Variants in TENM3 observed in about 807,000 individuals in gnomAD.
TENM3 encodes teneurin-3.
In TENM3, 63 loss-of-function variants were observed where a neutral mutation model predicts 255.1. That is an observed-to-expected ratio of 0.25 (90% CI 0.20 to 0.30). TENM3 has a LOEUF of 0.30. TENM3 is among the 10% of genes least tolerant of loss of function. The pLI, the probability that TENM3 is intolerant of heterozygous loss-of-function variation, is 1.00. For missense variants in TENM3, 2,929 were observed against 3,461.1 expected, an observed-to-expected ratio of 0.85 and a Z score of 3.86; for synonymous variants, 1,306 against 1,322.3, an observed-to-expected ratio of 0.99 and a Z score of 0.27.
At chr4:182,235,767 T>G (rs1017938286) in intron 1 of TENM3, among the ~76,000 whole-genome samples, 2 of 152,146 alleles carry the variant, frequency 1.3e-5, no homozygotes, top group Non-Finnish European at 2.9e-5. Flanking sequence ...ACAAAAACCC[T>G]GGCGTTAGGA....
chr4:181,575,983 G>A, the TENM3 span, among the ~76,000 whole-genome samples: 3 of 152,160 alleles, frequency 2.0e-5, no homozygotes, highest in Non-Finnish European at 4.4e-5. Flanking sequence ...ATTCAAGAGG[G>A]TACAAGTGTA....
chr4:182,667,585 T>C (rs1436471979), intron 6 of TENM3, among the ~76,000 whole-genome samples: 1 of 152,174 alleles, frequency 6.6e-6, no homozygotes, highest in Non-Finnish European at 1.5e-5. Context: ...GAATCCCTGC[T>C]CTAGGTAGAG....
chr4:181,728,468 A>G, the TENM3 span, among the ~76,000 whole-genome samples: 1 of 152,228 alleles, frequency 6.6e-6, no homozygotes, highest in Non-Finnish European at 1.5e-5. Flanking sequence ...TGGGAAAGGG[A>G]TGGAGATTCC....
the TENM3 span, among the ~76,000 whole-genome samples, chr4:181,493,296 T>TAAAAAAAAAAAAA: frequency 8.0e-6 from 1 of 124,360 alleles, no homozygotes; most frequent in Non-Finnish European, 1.7e-5. Context: ...AACCAGTCTC[T>TAAAAAAAAAAAAA]AAAAAAAAAA....
At chr4:182,055,317 C>T in the TENM3 span, among the ~76,000 whole-genome samples, 1 of 151,326 alleles carries the variant, frequency 6.6e-6, no homozygotes, top group Non-Finnish European at 1.5e-5. Flanking sequence ...TGCACTCCAG[C>T]CTGGGCAACA....
At chr4:181,874,923 G>A in the TENM3 span, among the ~76,000 whole-genome samples, 20 of 152,282 alleles carry the variant, frequency 1.3e-4, no homozygotes, top group Middle Eastern at 3.4e-3. Context: ...TCAAAGATCC[G>A]TCCTGCACTG....
chr4:182,352,102 C>T (rs911113301), intron 3 of TENM3, among the ~76,000 whole-genome samples: 1 of 152,030 alleles, frequency 6.6e-6, no homozygotes, highest in South Asian at 2.1e-4. Flanking sequence ...CCTCCCCTCC[C>T]CCACTCCTCC....
At chr4:181,746,145 G>C in the TENM3 span, among the ~76,000 whole-genome samples, 1 of 152,192 alleles carries the variant, frequency 6.6e-6, no homozygotes, top group South Asian at 2.1e-4. Context: ...CCTAGGGAAG[G>C]AGCTGGAACT....
chr4:182,010,928 C>T, the TENM3 span, among the ~76,000 whole-genome samples: 1 of 152,192 alleles, frequency 6.6e-6, no homozygotes, highest in Non-Finnish European at 1.5e-5. Context: ...CACTCTTTCT[C>T]TGGGCTTCTG....
chr4:182,066,206 C>T, the TENM3 span, among the ~76,000 whole-genome samples: 1 of 152,132 alleles, frequency 6.6e-6, no homozygotes, highest in Admixed American at 6.5e-5. Context: ...TAAGGTGATT[C>T]TCCTTTTGGT....
chr4:181,676,989 C>CTTTTTTTTTTTTTT, the TENM3 span, among the ~76,000 whole-genome samples: 1 of 137,698 alleles, frequency 7.3e-6, no homozygotes, highest in African/African-American at 2.7e-5. Context: ...CCGATTTTAT[C>CTTTTTTTTTTTTTT]TTTTTTTTTT....
chr4:182,472,854 T>C lies in TENM3; in HGVS notation c.511+125925T>C, dbSNP rs186276583. Among the ~76,000 whole-genome samples, 119 of 152,280 alleles carry C rather than the reference T, an allele frequency of 7.8e-4. 1 individual carries two copies. The highest frequency in any genetic ancestry group is 7.7e-3 in the Admixed American group (117 of 15,290). On this transcript the variant is annotated intron_variant, in intron 3 of 27. Transcript: ENST00000511685. ...CCTCAGCCTCCCAAGTAGCTAGGAC[T>C]AAAGGTGCATGCCATCATGCCCGGT...
At chr4:182,323,359 A>T (rs948611215) in intron 1 of TENM3, among the ~76,000 whole-genome samples, 8 of 151,732 alleles carry the variant, frequency 5.3e-5, no homozygotes, top group African/African-American at 9.7e-5. Context: ...AGTTCAAGAC[A>T]TTTGAGTTCT....
At chr4:182,737,685 C>T (rs1212635579) in intron 17 of TENM3, among the ~76,000 whole-genome samples, 1 of 152,098 alleles carries the variant, frequency 6.6e-6, no homozygotes, top group Non-Finnish European at 1.5e-5. Context: ...AAGCTCAGAA[C>T]ATAAAAAACT....
intron 16 of TENM3, 32 bp downstream of exon 16, chr4:182,731,171 T>C: frequency 6.3e-7 from 1 of 1,599,952 alleles, no homozygotes; most frequent in Non-Finnish European, 8.5e-7. Context: ...TACTTGTAAA[T>C]ACAAGATCTT....
intron 22 of TENM3, among the ~76,000 whole-genome samples, chr4:182,765,281 G>A (rs547683282): frequency 1.3e-5 from 2 of 152,200 alleles, no homozygotes; most frequent in South Asian, 2.1e-4. Context: ...AAAAGAAGGT[G>A]CAAATATGTG....
chr4:181,548,441 GA>G, the TENM3 span, among the ~76,000 whole-genome samples: 4 of 152,188 alleles, frequency 2.6e-5, no homozygotes, highest in African/African-American at 9.6e-5. Context: ...ACTGGATTAA[GA>G]AAATGTGGCA....
chr4:182,343,198 C>T (rs1222223091), intron 2 of TENM3, among the ~76,000 whole-genome samples: 1 of 152,132 alleles, frequency 6.6e-6, no homozygotes, highest in Non-Finnish European at 1.5e-5. Flanking sequence ...CCGAGCTAAC[C>T]TTGCCTTTTA....
chr4:181,939,031 C>A, the TENM3 span, among the ~76,000 whole-genome samples: 5 of 151,836 alleles, frequency 3.3e-5, no homozygotes, highest in African/African-American at 1.2e-4. Context: ...ATAAAGACAA[C>A]TCTATTTTCT....
Sources: allele counts gnomAD v4.1 joint callset (sites outside exome capture counted in the v4.1 genomes callset), GRCh38; gene constraint gnomAD v4.1.1; transcripts MANE v1.5; gene names NCBI Gene and HGNC (gene_info 2026-07-23, HGNC 2026-07-21).